PAIP2B: variants seen among roughly 807,000 people sequenced by gnomAD.
PAIP2B encodes polyadenylate-binding protein-interacting protein 2B.
A neutral mutation model predicts 17.0 loss-of-function variants in PAIP2B; 13 were observed. The observed-to-expected ratio is 0.76, with a 90% CI of 0.50 to 1.22. The LOEUF (loss-of-function observed/expected upper bound fraction) is 1.22, where lower values mean the gene tolerates loss of function less well. PAIP2B is among the 50% of genes most tolerant of loss of function. PAIP2B has a pLI of 0.00. For synonymous variants in PAIP2B, 43 were observed against 48.7 expected, an observed-to-expected ratio of 0.88 and a Z score of 0.48; for missense variants, 117 against 144.5, an observed-to-expected ratio of 0.81 and a Z score of 0.98.
At position 71,189,845 on chromosome 2, in the gene PAIP2B, C is replaced by T; in HGVS notation, c.315G>A (p.Leu105=). 1 of 1,549,930 alleles carries T rather than the reference C, an allele frequency of 6.5e-7. No individual in the cohort carries two copies. The stretch of plus-strand genomic sequence containing the variant: ...CTGGGGAACTACATATGGCTCTTAC[C>T]AAAATATCTTCAGAATCATGACCTT... The part of the protein sequence containing the change: ...VSEGHDSEDI[L]SKSNLNPDAK... Residue 105 remains leucine (L), a splice_region_variant and synonymous_variant, in exon 3 of 4, where the codon TTG becomes TTA. Transcript: ENST00000244221.
At chr2:71,220,118 A>G (rs1207634756) in intron 1 of PAIP2B, among the ~76,000 whole-genome samples, 1 of 152,176 alleles carries the variant, frequency 6.6e-6, no homozygotes, top group Non-Finnish European at 1.5e-5. Context: ...TAGCACAAAC[A>G]ATGATGCCAA....
intron 1 of PAIP2B, among the ~76,000 whole-genome samples, chr2:71,216,405 T>C (rs1041572990): frequency 6.6e-6 from 1 of 152,206 alleles, no homozygotes; most frequent in Non-Finnish European, 1.5e-5. Flanking sequence ...TGACTTCCAA[T>C]CATAAAAAAC....
At chr2:71,202,170 G>A (rs12104668) in intron 2 of PAIP2B, among the ~76,000 whole-genome samples, 10,137 of 152,240 alleles carry the variant, frequency 0.067, 374 homozygotes, top group African/African-American at 0.092. Flanking sequence ...GCTCTCACGT[G>A]AGGATGTTCA....
chr2:71,189,750 C>G, intron 3 of PAIP2B, 95 bp downstream of exon 3: 1 of 1,235,730 alleles, frequency 8.1e-7, no homozygotes, highest in Non-Finnish European at 1.1e-6. Flanking sequence ...GGGCTCCAGA[C>G]TTGTTGAGGG....
At chr2:71,188,852 C>G (rs2103747154) in intron 3 of PAIP2B, among the ~76,000 whole-genome samples, 1 of 152,300 alleles carries the variant, frequency 6.6e-6, no homozygotes, top group South Asian at 2.1e-4. Flanking sequence ...GGTACTCCAT[C>G]AGACCAGGCT....
intron 1 of PAIP2B, among the ~76,000 whole-genome samples, chr2:71,205,227 T>C (rs889607987): frequency 1.3e-5 from 2 of 152,204 alleles, no homozygotes; most frequent in African/African-American, 4.8e-5. Context: ...ACTGATATGG[T>C]ATTGTCAATA....
chr2:71,209,168 C>A (rs551046790), intron 1 of PAIP2B, among the ~76,000 whole-genome samples: 2 of 152,042 alleles, frequency 1.3e-5, no homozygotes, highest in African/African-American at 2.4e-5. Flanking sequence ...AGAATGAAAG[C>A]CAAATGGAGG....
In PAIP2B at chr2:71,189,844, C is replaced by A. The variant is rs1480410228; in HGVS notation, c.315+1G>T. 1 of 1,549,618 alleles carries A rather than the reference C, an allele frequency of 6.5e-7. No homozygotes were observed. The highest frequency in any genetic ancestry group is 8.7e-7 in the Non-Finnish European group (1 of 1,145,930). On this transcript the variant is annotated splice_donor_variant, in intron 3 of 3. Coordinates refer to ENST00000244221, the MANE Select transcript of PAIP2B (RefSeq NM_020459.1). LOFTEE classifies it high-confidence loss of function. ...CCTGGGGAACTACATATGGCTCTTA[C>A]CAAAATATCTTCAGAATCATGACCT...
chr2:71,221,850 CAAAATGCGCCAATCAGCGCTCTGT>C lies in PAIP2B; in HGVS notation c.-12+5054_-12+5077del, dbSNP rs567386065. On this transcript the variant is annotated intron_variant, in intron 1 of 3. Transcript: ENST00000244221. ...GTAAAATGCACCAGTCAGCGCTCTG[CAAAATGCGCCAATCAGCGCTCTGT>C]AAAATGCACCAATCAGCAGGACCCT... 7.4e-3 allele frequency among the ~76,000 whole-genome samples: 1,128 copies of C among 152,194 alleles called. 3 individuals carry two copies. The highest frequency in any genetic ancestry group is 0.011 in the Non-Finnish European group (760 of 68,006).
chr2:71,199,571 C>T lies in PAIP2B; in HGVS notation c.138+2881G>A, dbSNP rs932724993. Among the ~76,000 whole-genome samples the T allele has an allele frequency of 3.4e-4, 50 of 145,724 alleles. 1 individual carries two copies. The highest frequency in any genetic ancestry group is 5.5e-4 in the African/African-American group (22 of 39,842). Reference sequence around the variant, plus strand: ...TTTTCCCCCTTAACCCAACTGCGTCCTTTTTTTTTTTTTGAGACGGAGTCT... The same window carrying T: ...TTTTCCCCCTTAACCCAACTGCGTCTTTTTTTTTTTTTTGAGACGGAGTCT... On this transcript the variant is annotated intron_variant, in intron 2 of 3. Transcript: ENST00000244221.
chr2:71,199,667 C>T (rs995253569), intron 2 of PAIP2B, among the ~76,000 whole-genome samples: 2 of 151,830 alleles, frequency 1.3e-5, no homozygotes, highest in Non-Finnish European at 2.9e-5. Context: ...CCTGGGTTCA[C>T]GCCATTCTCC....
chr2:71,207,446 G>C (rs1160488542), intron 1 of PAIP2B, among the ~76,000 whole-genome samples: 2 of 152,082 alleles, frequency 1.3e-5, no homozygotes, highest in African/African-American at 4.8e-5. Context: ...GACCTTAAGA[G>C]ACCACATGAA....
chr2:71,208,423 A>C (rs1572932236), intron 1 of PAIP2B, among the ~76,000 whole-genome samples: 1 of 150,156 alleles, frequency 6.7e-6, no homozygotes, highest in East Asian at 2.0e-4. Flanking sequence ...ACTCCATTTC[A>C]CCCCCCCAAA....
At chr2:71,197,732 G>A (rs984758533) in intron 2 of PAIP2B, among the ~76,000 whole-genome samples, 6 of 152,218 alleles carry the variant, frequency 3.9e-5, no homozygotes, top group Admixed American at 3.9e-4. Context: ...AAAAGGTAAG[G>A]AGGAGCAAGT....
In PAIP2B at chr2:71,183,662, T is replaced by TA. The variant is rs1232328350; in HGVS notation, c.*4816dup. On this transcript the variant is annotated 3_prime_UTR_variant, in exon 4 of 4. Coordinates refer to ENST00000244221, the MANE Select transcript of PAIP2B (RefSeq NM_020459.1). ...ACAAACCTCAAAAACATTAGCTAAG[T>TA]AAAAAAGCCAGACCCAAGGGACCAC... is the stretch of plus-strand genomic sequence containing the variant. 2.0e-5 allele frequency: 3 copies of TA among 152,028 alleles called. No homozygotes were observed. The highest frequency in any genetic ancestry group is 4.8e-5 in the African/African-American group (2 of 41,386). 9.4% of individuals were successfully genotyped at this position (152,028 alleles called of 1,614,324 possible). A position where few individuals can be genotyped will look rare whatever the true frequency, so the allele number is the denominator to read the frequency against.
intron 2 of PAIP2B, among the ~76,000 whole-genome samples, chr2:71,200,997 TTGTGTGTGTGGGTGTGTG>T (rs917684258): frequency 2.7e-5 from 3 of 111,422 alleles, no homozygotes; most frequent in African/African-American, 1.1e-4. Context: ...CTCAATCTCT[TTGTGTGTGTGGGTGTGTG>T]TGTGTGTGTG....
intron 1 of PAIP2B, among the ~76,000 whole-genome samples, chr2:71,215,979 C>A (rs1184979021): frequency 6.6e-6 from 1 of 152,064 alleles, no homozygotes; most frequent in Non-Finnish European, 1.5e-5. Flanking sequence ...CCAGTATTAC[C>A]TCAGTTGAGG....
At chr2:71,206,772 T>G (rs914766558) in intron 1 of PAIP2B, among the ~76,000 whole-genome samples, 3 of 152,216 alleles carry the variant, frequency 2.0e-5, no homozygotes, top group African/African-American at 7.2e-5. Flanking sequence ...CTAAGATTAC[T>G]TAGGACTTTT....
rs1051548432 is a variant in PAIP2B, at chr2:71,187,845, A to C, written c.*634T>G. The C allele has an allele frequency of 1.3e-5, 2 of 153,042 alleles. No individual in the cohort carries two copies. Among genetic ancestry groups the C allele is most frequent in the African/African-American group, 4.8e-5 (2 of 41,442 alleles). The allele number at this position is 153,042 out of a possible 1,614,324, so 9.5% of individuals were successfully genotyped here. ...ACCACCATCACAGCCCTACCTTCTGATTTACAACTTTCAACAATCATCAAA... is the reference window on the plus strand; with the variant it reads ...ACCACCATCACAGCCCTACCTTCTGCTTTACAACTTTCAACAATCATCAAA... On this transcript the variant is annotated 3_prime_UTR_variant, in exon 4 of 4. Transcript: ENST00000244221.
Sources: allele counts gnomAD v4.1 joint callset (sites outside exome capture counted in the v4.1 genomes callset), GRCh38; gene constraint gnomAD v4.1.1; transcripts MANE v1.5; gene names NCBI Gene and HGNC (gene_info 2026-07-23, HGNC 2026-07-21).